Variants in MEIOC observed in about 807,000 individuals in gnomAD.
MEIOC encodes the protein meiosis specific with coiled-coil domain, also known as meiosis-specific coiled-coil domain-containing protein MEIOC.
MEIOC carries 9 observed loss-of-function variants against 85.3 expected under a neutral mutation model. The ratio of observed to expected loss-of-function variants is 0.11; its 90% CI spans 0.06 to 0.18. MEIOC has a LOEUF of 0.18. MEIOC is among the 10% of genes least tolerant of loss of function. The probability of loss-of-function intolerance (pLI) is 1.00; values close to 1 mark genes in which losing one functional copy is unlikely to be tolerated. For missense variants in MEIOC, 898 were observed against 1,129.4 expected (o/e 0.80, Z 2.94); for synonymous variants, 365 against 393.7 (o/e 0.93, Z 0.86).
At position 44,662,426 on chromosome 17, in the gene MEIOC, A is replaced by G. The variant is rs1235725443; in HGVS notation, c.314A>G (p.Asp105Gly). 2 of 1,548,174 alleles carry G rather than the reference A, an allele frequency of 1.3e-6. No homozygotes were observed. The highest frequency in any genetic ancestry group is 1.4e-5 in the African/African-American group (1 of 72,904). ...TGTGCACCATGGTCTACTTATGGAG[A>G]TGACATTAAACAACCTTCTAATTCT... Reference protein sequence around the residue: ...LFCAPWSTYGDDIKQPSNSQI... With the variant: ...LFCAPWSTYGGDIKQPSNSQI... The change falls in exon 3 of 8, where the codon GAT (aspartate) becomes GGT (glycine). Residue 105 changes from aspartate (D) to glycine (G), a missense_variant. This residue lies in a region of MEIOC where 734 missense variants were observed against 860.1 expected (regional missense o/e 0.85). Coordinates refer to ENST00000409122, the MANE Select transcript of MEIOC (RefSeq NM_001145080.3).
intron 3 of MEIOC, 34 bp downstream of exon 3, chr17:44,662,505 A>G: frequency 7.1e-7 from 1 of 1,406,830 alleles, no homozygotes. Flanking sequence ...TAATTGAGGT[A>G]TTTTTAAATT....
Position 44,673,390 on chromosome 17 carries a change from G to A in MEIOC, c.2482G>A (p.Glu828Lys). 6.5e-7 allele frequency: 1 copy of A among 1,543,156 alleles called. No individual in the cohort carries two copies. The highest frequency in any genetic ancestry group is 8.7e-7 in the Non-Finnish European group (1 of 1,144,524). The change falls in exon 7 of 8, where the codon GAA (glutamate) becomes AAA (lysine). Residue 828 changes from glutamate (E) to lysine (K), a missense_variant. By Grantham distance (56) the Glu-to-Lys change is moderately conservative. Coordinates refer to ENST00000409122, the MANE Select transcript of MEIOC (RefSeq NM_001145080.3). ...ARVVTLLGKMERLRSSLLHAS... is the reference protein window; with the variant it reads ...ARVVTLLGKMKRLRSSLLHAS... Reference sequence around the variant, plus strand: ...GGTTGTGACTTTACTAGGCAAAATGGAACGTCTTCGGAGTTCTCTTCTTCA... The same window carrying A: ...GGTTGTGACTTTACTAGGCAAAATGAAACGTCTTCGGAGTTCTCTTCTTCA...
At position 44,656,486 on chromosome 17, in the gene MEIOC, GC is replaced by G. The variant is rs1406797115; in HGVS notation, c.-125del. 1 of 706,960 alleles carries G rather than the reference GC, an allele frequency of 1.4e-6. No homozygotes were observed. The highest frequency in any genetic ancestry group is 1.9e-5 in the African/African-American group (1 of 52,960). 43.8% of individuals were successfully genotyped at this position (706,960 alleles called of 1,614,324 possible). On this transcript the variant is annotated 5_prime_UTR_variant, in exon 1 of 8. Coordinates refer to ENST00000409122, the MANE Select transcript of MEIOC (RefSeq NM_001145080.3). ...TACCCGCACACTGGCTCCAGGCAGC[GC>G]CCGGGCGGCGGAGGCGGCTGCGGAG...
chr17:44,659,909 C>A (rs1971821267), intron 2 of MEIOC, among the ~76,000 whole-genome samples: 1 of 152,128 alleles, frequency 6.6e-6, no homozygotes, highest in African/African-American at 2.4e-5. Flanking sequence ...CAGCAAAATC[C>A]CTTCTGTGTT....
At chr17:44,671,703 A>G (rs977321729) in intron 6 of MEIOC, among the ~76,000 whole-genome samples, 4 of 152,038 alleles carry the variant, frequency 2.6e-5, no homozygotes, top group Middle Eastern at 3.2e-3. Context: ...TCAGGAGATC[A>G]AGACCATCCT....
At chr17:44,676,618 C>A (rs532017208), downstream of MEIOC, among the ~76,000 whole-genome samples, 7 of 152,066 alleles carry the variant, frequency 4.6e-5, no homozygotes, top group Non-Finnish European at 1.0e-4. Context: ...GTCAGGAGAT[C>A]GAGACCATCC....
In MEIOC at chr17:44,667,376, A is replaced by T. The variant is rs576420761; in HGVS notation, c.1465A>T (p.Ile489Phe). The T allele has an allele frequency of 6.2e-7, 1 of 1,613,902 alleles. No individual in the cohort carries two copies. The highest frequency in any genetic ancestry group is 2.2e-5 in the East Asian group (1 of 44,878). The change falls in exon 5 of 8, where the codon ATT becomes TTT. Residue 489 changes from isoleucine (I) to phenylalanine (F), a missense_variant. Coordinates refer to ENST00000409122, the MANE Select transcript of MEIOC (RefSeq NM_001145080.3). ...MNVQTKNNTP[I>F]PYRNQGNLMK... ...TGTTCAAACAAAAAATAACACTCCT[A>T]TTCCTTATCGAAATCAAGGTAACTT... is the stretch of plus-strand genomic sequence containing the variant.
In MEIOC at chr17:44,673,382, G is replaced by A; in HGVS notation, c.2474G>A (p.Gly825Asp). 1 of 1,541,690 alleles carries A rather than the reference G, an allele frequency of 6.5e-7. No individual in the cohort carries two copies. Residue 825 changes from glycine (G) to aspartate (D), a missense_variant, in exon 7 of 8, where the codon GGC becomes GAC. Gly to Asp is a moderately conservative substitution (Grantham distance 94). Around this residue, in one of 2 missense-constraint regions of MEIOC, gnomAD observed 164 missense variants for 269.2 expected, o/e 0.61. Transcript: ENST00000409122. ...TTCCCTCAGGTTGTGACTTTACTAG[G>A]CAAAATGGAACGTCTTCGGAGTTCT... ...RELARVVTLL[G>D]KMERLRSSLL... is the part of the protein sequence containing the mutation.
At position 44,674,522 on chromosome 17, in the gene MEIOC, T is replaced by A; in HGVS notation, c.*326T>A. 9.7e-7 allele frequency: 1 copy of A among 1,034,790 alleles called. No individual in the cohort carries two copies. The highest frequency in any genetic ancestry group is 1.2e-6 in the Non-Finnish European group (1 of 859,712). 64.1% of individuals were successfully genotyped at this position (1,034,790 alleles called of 1,614,324 possible). A position where few individuals can be genotyped will look rare whatever the true frequency, so the allele number is the denominator to read the frequency against. ...GGTAAATGCAAATGTGAAATTCTTC[T>A]AGGAGATAAATTTCATTTAGGTTTG... On this transcript the variant is annotated 3_prime_UTR_variant, in exon 8 of 8. Transcript: ENST00000409122.
rs372645745 is a variant in MEIOC, at chr17:44,666,767, G to A, written c.856G>A (p.Asp286Asn). The A allele has an allele frequency of 6.2e-6, 10 of 1,613,356 alleles. No homozygotes were observed. Among genetic ancestry groups the A allele is most frequent in the Non-Finnish European group, 8.5e-6 (10 of 1,179,792 alleles). The change falls in exon 5 of 8, where the codon GAT becomes AAT. Residue 286 changes from aspartate (D) to asparagine (N), a missense_variant. Physicochemically the swap from Asp to Asn is conservative, Grantham distance 23 (BLOSUM62 1). Coordinates refer to ENST00000409122, the MANE Select transcript of MEIOC (RefSeq NM_001145080.3). Reference sequence around the variant, plus strand: ...TGATATCATGAAAGAATCAGGAGTTGATATCTACCATTATGGAAGAGACAG... The same window carrying A: ...TGATATCATGAAAGAATCAGGAGTTAATATCTACCATTATGGAAGAGACAG... ...LSDIMKESGV[D>N]IYHYGRDRIC...
At chr17:44,668,832 T>TA (rs1251900888) in intron 5 of MEIOC, among the ~76,000 whole-genome samples, 1 of 152,244 alleles carries the variant, frequency 6.6e-6, no homozygotes. Context: ...GTAGATTTTT[T>TA]ACCCCCTTAG....
intron 4 of MEIOC, among the ~76,000 whole-genome samples, 156 bp downstream of exon 4, chr17:44,665,644 G>C (rs1381563146): frequency 6.6e-6 from 1 of 152,122 alleles, no homozygotes; most frequent in Non-Finnish European, 1.5e-5. Context: ...TTTTGCTGAA[G>C]TATTTGCTAT....
In MEIOC at chr17:44,656,578, G is replaced by T; in HGVS notation, c.-36G>T. 7.0e-7 allele frequency: 1 copy of T among 1,424,138 alleles called. No homozygotes were observed. The highest frequency in any genetic ancestry group is 9.2e-7 in the Non-Finnish European group (1 of 1,082,006). 88.2% of individuals were successfully genotyped at this position (1,424,138 alleles called of 1,614,324 possible). A position where few individuals can be genotyped will look rare whatever the true frequency, so the allele number is the denominator to read the frequency against. ...CCCCCATCACCCCCGTACCCCAGGAGCTGTGCCTAGTCCAGGAGAGGCTGG... is the reference window on the plus strand; with the variant it reads ...CCCCCATCACCCCCGTACCCCAGGATCTGTGCCTAGTCCAGGAGAGGCTGG... On this transcript the variant is annotated 5_prime_UTR_variant, in exon 1 of 8. Transcript: ENST00000409122.
Position 44,669,400 on chromosome 17 carries a change from CA to C in MEIOC, c.2342del (p.Lys781ArgfsTer19). On this transcript the variant is annotated frameshift_variant, in exon 6 of 8. Transcript: ENST00000409122. LOFTEE classifies it high-confidence loss of function. The stretch of plus-strand genomic sequence containing the variant: ...TTTTACAGACTGAATTAGCCCTTGC[CA>C]AGAATTATCCTGGAAAAAAAGTATC... ...ERKKTELALA[K>X]NYPGKKVSST... The C allele has an allele frequency of 6.4e-7, 1 of 1,571,500 alleles. No individual in the cohort carries two copies. Among genetic ancestry groups the C allele is most frequent in the Non-Finnish European group, 8.6e-7 (1 of 1,157,238 alleles).
chr17:44,668,063 T>C lies in MEIOC; in HGVS notation c.2152T>C (p.Leu718=). ...ACTTTCTTATGATGACTTAAGCCAT[T>C]TGTACCCTTATTTTAATATGATGTA... The part of the protein sequence containing the change: ...DLLSYDDLSH[L]YPYFNMMYGD... The change falls in exon 5 of 8, where the codon TTG becomes CTG. Residue 718 remains leucine, a synonymous_variant. Transcript: ENST00000409122. The C allele has an allele frequency of 6.2e-7, 1 of 1,613,334 alleles. No individual in the cohort carries two copies. The highest frequency in any genetic ancestry group is 8.5e-7 in the Non-Finnish European group (1 of 1,179,474).
chr17:44,665,260 T>A, intron 3 of MEIOC, 124 bp from the exon 4 acceptor site: 1 of 878,760 alleles, frequency 1.1e-6, no homozygotes, highest in Non-Finnish European at 1.5e-6. Context: ...TCTAGTCTCT[T>A]CTTTATTTGA....
Position 44,667,826 on chromosome 17 carries a change from G to C in MEIOC, c.1915G>C (p.Glu639Gln), listed in dbSNP as rs775311910. The C allele has an allele frequency of 3.7e-6, 6 of 1,613,798 alleles. No homozygotes were observed. Among genetic ancestry groups the C allele is most frequent in the Non-Finnish European group, 4.2e-6 (5 of 1,179,874 alleles). Residue 639 changes from glutamate (E) to glutamine (Q), a missense_variant, in exon 5 of 8, where the codon GAG becomes CAG. Coordinates refer to ENST00000409122, the MANE Select transcript of MEIOC (RefSeq NM_001145080.3). ...ACAAAATACATACCAAGATCTACTG[G>C]AGTCACAGGGTCATTCTAATAGCCA... ...LSQNTYQDLL[E>Q]SQGHSNSHRT...
At position 44,668,166 on chromosome 17, in the gene MEIOC, G is replaced by A. The variant is rs1971939853; in HGVS notation, c.2255G>A (p.Ser752Asn). Residue 752 changes from serine (S) to asparagine (N), a missense_variant, in exon 5 of 8, where the codon AGT becomes AAT. Coordinates refer to ENST00000409122, the MANE Select transcript of MEIOC (RefSeq NM_001145080.3). ...RPIKTRSGPA[S>N]ELHIRLEECC... ...ATTAAAACCCGTAGTGGACCAGCCA[G>A]TGAACTTCATATTCGTCTAGAAGAG... 1 of 1,613,858 alleles carries A rather than the reference G, an allele frequency of 6.2e-7. No homozygotes were observed. The highest frequency in any genetic ancestry group is 1.3e-5 in the African/African-American group (1 of 74,922).
chr17:44,660,718 GCTTA>G (rs1352212047), intron 2 of MEIOC, among the ~76,000 whole-genome samples: 2 of 151,996 alleles, frequency 1.3e-5, no homozygotes, highest in Admixed American at 6.6e-5. Flanking sequence ...GTATAAATTA[GCTTA>G]ATCTTTTTTT....
Sources: gnomAD v4.1 joint callset for allele counts (sites outside exome capture counted in the v4.1 genomes callset) on GRCh38, gnomAD v4.1.1 for gene constraint, gnomAD v4.1.1 regional missense constraint, MANE v1.5 for transcripts, NCBI Gene and HGNC (gene_info 2026-07-23, HGNC 2026-07-21) for gene names.